Variants in LAMB1 observed in about 807,000 individuals in gnomAD.
LAMB1 encodes the protein laminin subunit beta-1.
LAMB1 carries 121 observed loss-of-function variants against 222.3 expected under a neutral mutation model. The ratio of observed to expected loss-of-function variants is 0.54; its 90% CI spans 0.47 to 0.63. The LOEUF is 0.63. Ranked by LOEUF, LAMB1 falls within the 30% of genes least tolerant of loss-of-function variation. The pLI is 0.00. For synonymous variants in LAMB1, 794 were observed against 807.2 expected (o/e 0.98, Z 0.28); for missense variants, 2,172 against 2,240.8 (o/e 0.97, Z 0.62).
intron 5 of LAMB1, among the ~76,000 whole-genome samples, chr7:107,989,023 T>G (rs574069325): frequency 1.1e-3 from 173 of 152,296 alleles, no homozygotes; most frequent in Non-Finnish European, 2.0e-3. Context: ...GACTTGCTAG[T>G]TACAGGCAGA....
intron 24 of LAMB1, chr7:107,942,047 T>G (rs2033000827): frequency 6.6e-6 from 1 of 150,450 alleles, no homozygotes; most frequent in African/African-American, 2.5e-5. Context: ...CAGGCTGGAG[T>G]GCAGTGGCAT....
intron 24 of LAMB1, among the ~76,000 whole-genome samples, chr7:107,945,084 A>G (rs973684248): frequency 6.6e-6 from 1 of 152,252 alleles, no homozygotes; most frequent in Non-Finnish European, 1.5e-5. Flanking sequence ...GATGAAGAAT[A>G]GTATTTTTTA....
At chr7:107,945,796 T>C (rs1045501986) in intron 24 of LAMB1, among the ~76,000 whole-genome samples, 3 of 152,222 alleles carry the variant, frequency 2.0e-5, no homozygotes, top group Non-Finnish European at 4.4e-5. Flanking sequence ...CTAAAAGTGC[T>C]TGGCACTCAG....
At chr7:107,939,324 A>G (rs1235597112) in intron 25 of LAMB1, among the ~76,000 whole-genome samples, 2 of 152,090 alleles carry the variant, frequency 1.3e-5, no homozygotes, top group South Asian at 4.1e-4. Context: ...ACACTGTCCA[A>G]TCAGAGGGAA....
chr7:107,996,780 T>C (rs2034289019), intron 4 of LAMB1, among the ~76,000 whole-genome samples: 1 of 152,192 alleles, frequency 6.6e-6, no homozygotes, highest in South Asian at 2.1e-4. Context: ...TGATAAACTG[T>C]TTCACTGTCT....
At chr7:107,973,597 G>A (rs957573511) in intron 12 of LAMB1, among the ~76,000 whole-genome samples, 7 of 152,126 alleles carry the variant, frequency 4.6e-5, no homozygotes, top group Admixed American at 4.6e-4. Context: ...TAGGGAAGAG[G>A]AGCTCTGTGC....
intron 5 of LAMB1, among the ~76,000 whole-genome samples, chr7:107,990,385 T>C (rs1331334585): frequency 6.6e-6 from 1 of 152,158 alleles, no homozygotes; most frequent in Non-Finnish European, 1.5e-5. Flanking sequence ...AAAAACATAC[T>C]GTGTACATGC....
chr7:107,983,200 G>A (rs2034008010), intron 7 of LAMB1, among the ~76,000 whole-genome samples: 1 of 152,120 alleles, frequency 6.6e-6, no homozygotes, highest in Admixed American at 6.5e-5. Flanking sequence ...ATTTAAATGG[G>A]GAAGCAGCAT....
At chr7:107,961,111 G>T in intron 17 of LAMB1, 95 bp downstream of exon 17, 1 of 1,391,260 alleles carries the variant, frequency 7.2e-7, no homozygotes, top group Non-Finnish European at 1.0e-6. Flanking sequence ...GCTTACGCTG[G>T]CCTCAGCATT....
intron 3 of LAMB1, among the ~76,000 whole-genome samples, chr7:108,000,614 G>A (rs1185340924): frequency 5.9e-5 from 9 of 152,184 alleles, no homozygotes; most frequent in Admixed American, 3.9e-4. Context: ...ACTGATTATC[G>A]CTTACTGCAG....
intron 5 of LAMB1, among the ~76,000 whole-genome samples, chr7:107,994,021 G>T (rs1287595156): frequency 6.6e-6 from 1 of 152,148 alleles, no homozygotes; most frequent in Non-Finnish European, 1.5e-5. Context: ...ATGGCTACCC[G>T]CCCACATGGT....
intron 20 of LAMB1, among the ~76,000 whole-genome samples, chr7:107,957,684 A>G (rs1043308933): frequency 5.9e-5 from 9 of 152,232 alleles, no homozygotes; most frequent in Non-Finnish European, 1.2e-4. Context: ...AGGCAATCCA[A>G]ATACATCATG....
Position 107,975,399 on chromosome 7 carries a change from G to C in LAMB1, c.1204C>G (p.Pro402Ala), listed in dbSNP as rs779694423. The change falls in exon 11 of 34, where the codon CCA becomes GCA. Residue 402 changes from proline (P) to alanine (A), a missense_variant. Coordinates refer to ENST00000222399, the MANE Select transcript of LAMB1 (RefSeq NM_002291.3). The part of the protein sequence containing the change: ...PNFCERCTCD[P>A]AGSQNEGICD... ...ATTCCCTCATTTTGAGAGCCAGCTG[G>C]GTCACACGTACATCCTGAGAAGAAT... 1 of 1,612,286 alleles carries C rather than the reference G, an allele frequency of 6.2e-7. No individual in the cohort carries two copies. Among genetic ancestry groups the C allele is most frequent in the Non-Finnish European group, 8.5e-7 (1 of 1,179,356 alleles).
At position 107,980,912 on chromosome 7, in the gene LAMB1, GA is replaced by G. The variant is rs921178482; in HGVS notation, c.677-102del. ...CTTTTTAGAGAAAGGCATGACACAT[GA>G]AAATAGCTTAAGTTCCTCCTCTTGT... is the stretch of plus-strand genomic sequence containing the variant. On this transcript the variant is annotated intron_variant, in intron 7 of 33. Coordinates refer to ENST00000222399, the MANE Select transcript of LAMB1 (RefSeq NM_002291.3). 18 of 672,194 alleles carry G rather than the reference GA, an allele frequency of 2.7e-5. No homozygotes were observed. The Admixed American group carries it at 3.4e-4, about 13-fold the overall frequency. 41.6% of individuals were successfully genotyped at this position (672,194 alleles called of 1,614,324 possible). A position where few individuals can be genotyped will look rare whatever the true frequency, so the allele number is the denominator to read the frequency against.
intron 5 of LAMB1, among the ~76,000 whole-genome samples, chr7:107,991,542 G>A (rs1287232875): frequency 4.6e-5 from 7 of 151,524 alleles, no homozygotes; most frequent in African/African-American, 1.2e-4. Context: ...AGCCAAGATC[G>A]TGCCACTGCA....
At chr7:107,958,360 C>T (rs370042811) in intron 20 of LAMB1, among the ~76,000 whole-genome samples, 2 of 152,210 alleles carry the variant, frequency 1.3e-5, no homozygotes, top group East Asian at 1.9e-4. Context: ...CCGAGAGCCA[C>T]GTGTTTGCCT....
chr7:107,929,587 C>G lies in LAMB1; in HGVS notation c.4570G>C (p.Val1524Leu). 2 of 1,614,086 alleles carry G rather than the reference C, an allele frequency of 1.2e-6. No individual in the cohort carries two copies. Among genetic ancestry groups the G allele is most frequent in the South Asian group, 2.2e-5 (2 of 91,080 alleles). ...TCCATTTTCAATACTTCATTAGCAA[C>G]TGCTTCAATGCTGTCCAAATCAGCA... Reference protein sequence around the residue: ...DSADLDSIEAVANEVLKMEMP... With the variant: ...DSADLDSIEALANEVLKMEMP... Residue 1524 changes from valine (V) to leucine (L), a missense_variant, in exon 30 of 34, where the codon GTT becomes CTT. Transcript: ENST00000222399.
At position 107,959,785 on chromosome 7, in the gene LAMB1, G is replaced by A. The variant is rs371396695; in HGVS notation, c.2364C>T (p.Asn788=). 32 of 1,613,898 alleles carry A rather than the reference G, an allele frequency of 2.0e-5. No individual in the cohort carries two copies. Among genetic ancestry groups the A allele is most frequent in the Admixed American group, 5.0e-5 (3 of 59,988 alleles). ...QGSLSSVCDP[N]GGQCQCRPNV... is the part of the protein sequence containing the mutation. Reference sequence around the variant, plus strand: ...TGGGCCGGCACTGGCACTGGCCTCCGTTGGGATCACACACGGAACTTAACG... The same window carrying A: ...TGGGCCGGCACTGGCACTGGCCTCCATTGGGATCACACACGGAACTTAACG... Residue 788 remains asparagine, a synonymous_variant, in exon 19 of 34, where the codon AAC becomes AAT. Coordinates refer to ENST00000222399, the MANE Select transcript of LAMB1 (RefSeq NM_002291.3).
At chr7:107,986,865 T>G (rs1286860875) in intron 5 of LAMB1, among the ~76,000 whole-genome samples, 1 of 152,230 alleles carries the variant, frequency 6.6e-6, no homozygotes, top group Non-Finnish European at 1.5e-5. Context: ...ATAGTAGGGT[T>G]GCATGCAATG....
Sources: allele counts gnomAD v4.1 joint callset (sites outside exome capture counted in the v4.1 genomes callset), GRCh38; gene constraint gnomAD v4.1.1; transcripts MANE v1.5; gene names NCBI Gene and HGNC (gene_info 2026-07-23, HGNC 2026-07-21).